The following GLT1D1 variants were observed in gnomAD, a reference collection of about 807,000 sequenced individuals.
GLT1D1 encodes the protein glycosyltransferase 1 domain-containing protein 1.
A neutral mutation model predicts 28.7 loss-of-function variants in GLT1D1; 21 were observed. The ratio of observed to expected loss-of-function variants is 0.73; its 90% CI spans 0.52 to 1.05. GLT1D1 has a LOEUF of 1.05. Ranked by LOEUF, GLT1D1 falls within the 50% of genes least tolerant of loss-of-function variation. The pLI, the probability that GLT1D1 is intolerant of heterozygous loss-of-function variation, is 0.00. For missense variants in GLT1D1, 343 were observed against 330.6 expected (o/e 1.04, Z -0.29); for synonymous variants, 147 against 124.8 (o/e 1.18, Z -1.19).
At chr12:128,886,432 C>T (rs1345261452) in intron 2 of GLT1D1, among the ~76,000 whole-genome samples, 1 of 152,136 alleles carries the variant, frequency 6.6e-6, no homozygotes, top group Non-Finnish European at 1.5e-5. Flanking sequence ...CCCAAGACCC[C>T]TGAGGCGGTG....
intron 1 of GLT1D1, among the ~76,000 whole-genome samples, chr12:128,865,995 T>G (rs1332291364): frequency 6.6e-6 from 1 of 152,054 alleles, no homozygotes; most frequent in Non-Finnish European, 1.5e-5. Context: ...ATGCAAATGC[T>G]GTGCCATTTT....
intron 4 of GLT1D1, among the ~76,000 whole-genome samples, chr12:128,921,901 T>G (rs546968498): frequency 9.9e-4 from 150 of 151,510 alleles, no homozygotes; most frequent in African/African-American, 3.5e-3. Context: ...GTAGATTGTT[T>G]GTTTGTTTGA....
At chr12:128,921,439 C>T (rs762584704) in intron 4 of GLT1D1, among the ~76,000 whole-genome samples, 70 of 151,836 alleles carry the variant, frequency 4.6e-4, no homozygotes, top group Non-Finnish European at 6.6e-4. Context: ...TAGAAAACAT[C>T]GAAGTGGCTT....
At chr12:128,939,846 C>CCCGCCGCCG (rs56410121) in intron 4 of GLT1D1, among the ~76,000 whole-genome samples, 1 of 131,022 alleles carries the variant, frequency 7.6e-6, no homozygotes. Context: ...AACCCCCCCC[C>CCCGCCGCCG]ACCGCCGATC....
At chr12:128,973,486 C>T (rs549496490) in intron 7 of GLT1D1, among the ~76,000 whole-genome samples, 1 of 151,966 alleles carries the variant, frequency 6.6e-6, no homozygotes, top group South Asian at 2.1e-4. Flanking sequence ...AGCCACCACC[C>T]CAGCCTGCTT....
At chr12:128,971,691 C>T (rs1489509832) in intron 7 of GLT1D1, among the ~76,000 whole-genome samples, 4 of 192 alleles carry the variant, frequency 0.021, no homozygotes, top group African/African-American at 0.094. Flanking sequence ...CCTCCCTTCC[C>T]CCCTCCCTCC....
chr12:128,853,509 C>T lies in GLT1D1; in HGVS notation c.-73C>T. ...CCAGCCGCCCCGGCTCCCCCGCCGT[C>T]CGCGTCTGCGCCGGCCCCGGGGCCT... On this transcript the variant is annotated 5_prime_UTR_variant, in exon 1 of 8. Transcript: ENST00000281703. 1.0e-6 allele frequency: 1 copy of T among 1,000,072 alleles called. No homozygotes were observed. Among genetic ancestry groups the T allele is most frequent in the Non-Finnish European group, 1.2e-6 (1 of 838,884 alleles). The allele number at this position is 1,000,072 out of a possible 1,614,324, so 61.9% of individuals were successfully genotyped here. A position where few individuals can be genotyped will look rare whatever the true frequency, so the allele number is the denominator to read the frequency against.
rs779403473 is a variant in GLT1D1 at position 128,853,670 on chromosome 12, C to T, written c.68+21C>T. On this transcript the variant is annotated intron_variant, in intron 1 of 7. Coordinates refer to ENST00000281703, the MANE Select transcript of GLT1D1 (RefSeq NM_144669.3). ...GTTCGGTAGGTGCAGGGCGCCGGGG[C>T]CTACGAAGCCTGGGCCGGGGGCCGG... 5 of 1,092,654 alleles carry T rather than the reference C, an allele frequency of 4.6e-6. No individual in the cohort carries two copies. The South Asian group carries it at 1.9e-4, about 41-fold the overall frequency. The allele number at this position is 1,092,654 out of a possible 1,614,324, so 67.7% of individuals were successfully genotyped here. A position where few individuals can be genotyped will look rare whatever the true frequency, so the allele number is the denominator to read the frequency against.
At chr12:128,941,774 C>CA (rs779909017) in intron 4 of GLT1D1, among the ~76,000 whole-genome samples, 10 of 151,726 alleles carry the variant, frequency 6.6e-5, no homozygotes, top group Non-Finnish European at 1.3e-4. Flanking sequence ...GACAGGCTTT[C>CA]ACCATGTTGG....
In GLT1D1 at chr12:128,957,579, A is replaced by C. The variant is rs1292006705; in HGVS notation, c.575A>C (p.Asn192Thr). The stretch of plus-strand genomic sequence containing the variant: ...TTAGAAGTACCGGTATTGGCCAGGA[A>C]CATCCCCGGGAATGCTGCCGTGGTG... Residue 192 changes from asparagine to threonine, a missense_variant, in exon 7 of 8, where the codon AAC becomes ACC. Coordinates refer to ENST00000281703, the MANE Select transcript of GLT1D1 (RefSeq NM_144669.3). The C allele has an allele frequency of 6.2e-7, 1 of 1,613,914 alleles. No individual in the cohort carries two copies. Among genetic ancestry groups the C allele is most frequent in the Admixed American group, 1.7e-5 (1 of 60,008 alleles).
At chr12:128,931,384 T>G (rs758022265) in intron 4 of GLT1D1, among the ~76,000 whole-genome samples, 3 of 147,442 alleles carry the variant, frequency 2.0e-5, no homozygotes, top group Non-Finnish European at 1.5e-5. Context: ...CTCGGCTCAC[T>G]GCAACCTCCG....
intron 7 of GLT1D1, among the ~76,000 whole-genome samples, chr12:128,971,031 G>T (rs768400243): frequency 6.6e-6 from 1 of 152,300 alleles, no homozygotes; most frequent in Admixed American, 6.5e-5. Context: ...GATGCAGCAC[G>T]CCACACACTT....
At chr12:128,887,529 C>T (rs1868540757) in intron 2 of GLT1D1, among the ~76,000 whole-genome samples, 1 of 146,220 alleles carries the variant, frequency 6.8e-6, no homozygotes, top group African/African-American at 2.5e-5. Flanking sequence ...ACACAGAGCT[C>T]CAAAAAAAAA....
intron 7 of GLT1D1, among the ~76,000 whole-genome samples, chr12:128,982,683 T>C (rs1352460560): frequency 6.6e-6 from 1 of 151,924 alleles, no homozygotes; most frequent in Non-Finnish European, 1.5e-5. Flanking sequence ...TGTGCGTGTG[T>C]GTGCATGTGT....
chr12:128,920,749 T>C (rs1469777027), intron 4 of GLT1D1, among the ~76,000 whole-genome samples: 2 of 152,190 alleles, frequency 1.3e-5, no homozygotes, highest in Non-Finnish European at 2.9e-5. Flanking sequence ...ACATTTTGTT[T>C]TGAAGATAAA....
chr12:128,872,714 C>T (rs1207185852), intron 1 of GLT1D1, among the ~76,000 whole-genome samples: 1 of 152,122 alleles, frequency 6.6e-6, no homozygotes, highest in Non-Finnish European at 1.5e-5. Context: ...AGAAAAGAGA[C>T]CTGGTCCCAT....
At chr12:128,940,653 T>C (rs530755482) in intron 4 of GLT1D1, among the ~76,000 whole-genome samples, 1 of 152,338 alleles carries the variant, frequency 6.6e-6, no homozygotes, top group East Asian at 1.9e-4. Flanking sequence ...AAGTGTGTTA[T>C]TAGCCTTCAG....
At chr12:128,944,971 G>T in intron 4 of GLT1D1, 3 of 549,606 alleles carry the variant, frequency 5.5e-6, no homozygotes, top group Non-Finnish European at 9.8e-6. Flanking sequence ...AACAGGCCCC[G>T]GTGTGTGATG....
Position 128,983,726 on chromosome 12 carries a change from G to A in GLT1D1, c.*636G>A, listed in dbSNP as rs1880546549. Reference sequence around the variant, plus strand: ...TGCCCGCAGGCCCCGCCCACCTCTTGGCTGAATTTGAGTGGAAAACCAGGA... The same window carrying A: ...TGCCCGCAGGCCCCGCCCACCTCTTAGCTGAATTTGAGTGGAAAACCAGGA... On this transcript the variant is annotated 3_prime_UTR_variant, in exon 8 of 8. Coordinates refer to ENST00000281703, the MANE Select transcript of GLT1D1 (RefSeq NM_144669.3). This position sits in a 1 kb window ranked among gnomAD's most constrained non-coding sequence, Gnocchi z 4.7. The A allele has an allele frequency of 6.6e-6, 1 of 152,324 alleles. No homozygotes were observed. The highest frequency in any genetic ancestry group is 1.5e-5 in the Non-Finnish European group (1 of 68,130). 9.4% of individuals were successfully genotyped at this position (152,324 alleles called of 1,614,324 possible).
Sources: gnomAD v4.1 joint callset for allele counts (sites outside exome capture counted in the v4.1 genomes callset) on GRCh38, gnomAD v4.1.1 for gene constraint, Gnocchi (gnomAD v3.1) non-coding constraint, MANE v1.5 for transcripts, NCBI Gene and HGNC (gene_info 2026-07-23, HGNC 2026-07-21) for gene names.